Variants in ECE1 observed in about 807,000 individuals in gnomAD.
ECE1 encodes the protein endothelin converting enzyme 1, also known as endothelin-converting enzyme 1.
A neutral mutation model predicts 98.6 loss-of-function variants in ECE1; 35 were observed. The observed-to-expected ratio is 0.35, with a 90% CI of 0.27 to 0.47. The LOEUF (loss-of-function observed/expected upper bound fraction) is 0.47, where lower values mean the gene tolerates loss of function less well. ECE1 is among the 20% of genes least tolerant of loss of function. The probability of loss-of-function intolerance (pLI) is 1.00; values close to 1 mark genes in which losing one functional copy is unlikely to be tolerated. For synonymous variants in ECE1, 394 were observed against 407.1 expected (o/e 0.97, Z 0.39); for missense variants, 814 against 1,025.3 (o/e 0.79, Z 2.81).
At chr1:21,279,076 C>T (rs577180639) in intron 3 of ECE1, 115 bp downstream of exon 3, 2 of 1,578,718 alleles carry the variant, frequency 1.3e-6, no homozygotes, top group Non-Finnish European at 1.7e-6. Flanking sequence ...GGCCTGGCTC[C>T]CTCCTTAGCC....
chr1:21,217,764 C>G lies in ECE1; in HGVS notation c.*2191G>C, dbSNP rs542210812. On this transcript the variant is annotated 3_prime_UTR_variant, in exon 19 of 19. Transcript: ENST00000374893. Reference sequence around the variant, plus strand: ...TCTGCTTCAGCTACTTCTCGGGTTCCTGTCTCCTCTGCAGAGCTACCAGGA... The same window carrying G: ...TCTGCTTCAGCTACTTCTCGGGTTCGTGTCTCCTCTGCAGAGCTACCAGGA... 4 of 152,456 alleles carry G rather than the reference C, an allele frequency of 2.6e-5. No individual in the cohort carries two copies. Among genetic ancestry groups the G allele is most frequent in the Non-Finnish European group, 5.9e-5 (4 of 68,198 alleles). The allele number at this position is 152,456 out of a possible 1,614,324, so 9.4% of individuals were successfully genotyped here. A position where few individuals can be genotyped will look rare whatever the true frequency, so the allele number is the denominator to read the frequency against.
chr1:21,309,943 C>T (rs527527286), intron 1 of ECE1, among the ~76,000 whole-genome samples: 241 of 152,304 alleles, frequency 1.6e-3, no homozygotes, highest in African/African-American at 5.5e-3. Flanking sequence ...AGGCGCCCGC[C>T]ACCACACCCG....
At chr1:21,241,428 T>TTG (rs2098196148) in intron 10 of ECE1, among the ~76,000 whole-genome samples, 1 of 150,984 alleles carries the variant, frequency 6.6e-6, no homozygotes, top group African/African-American at 2.4e-5. Flanking sequence ...GAGGTGTTTT[T>TTG]TTTTTTTTTT....
At chr1:21,330,070 C>T (rs1406457257) in intron 1 of ECE1, among the ~76,000 whole-genome samples, 1 of 151,388 alleles carries the variant, frequency 6.6e-6, no homozygotes, top group East Asian at 1.9e-4. Context: ...CCAACTCAAA[C>T]ATCACCTCCC....
At chr1:21,246,291 G>A (rs1269647072) in intron 9 of ECE1, among the ~76,000 whole-genome samples, 1 of 152,084 alleles carries the variant, frequency 6.6e-6, no homozygotes, top group Non-Finnish European at 1.5e-5. Context: ...ACTGAGGTCA[G>A]GAGTTGGGGA....
chr1:21,259,675 G>A (rs1418800674), intron 5 of ECE1, among the ~76,000 whole-genome samples: 1 of 152,168 alleles, frequency 6.6e-6, no homozygotes, highest in Non-Finnish European at 1.5e-5. Flanking sequence ...AAGAGGCAGG[G>A]CTGTCCAGGG....
chr1:21,250,709 C>T (rs17359650), intron 8 of ECE1, among the ~76,000 whole-genome samples: 7,949 of 152,264 alleles, frequency 0.052, 283 homozygotes, highest in Non-Finnish European at 0.079. Context: ...CATAAACCCC[C>T]GCTTAACAGA....
intron 14 of ECE1, among the ~76,000 whole-genome samples, chr1:21,232,634 C>A (rs1337141322): frequency 6.6e-6 from 1 of 151,318 alleles, no homozygotes; most frequent in Non-Finnish European, 1.5e-5. Context: ...AAGACCAGGT[C>A]TCATTCTAGG....
At chr1:21,256,565 A>C (rs1558391699) in intron 7 of ECE1, 1 of 152,004 alleles carries the variant, frequency 6.6e-6, no homozygotes, top group Admixed American at 6.6e-5. Flanking sequence ...CTCAAAAAAA[A>C]AAGAAGAAGA....
chr1:21,258,774 G>C lies in ECE1; in HGVS notation c.681C>G (p.Val227=). The C allele has an allele frequency of 6.2e-7, 1 of 1,614,232 alleles. No homozygotes were observed. The change falls in exon 6 of 19, where the codon GTC becomes GTG. Residue 227 remains valine (V), a synonymous_variant. Transcript: ENST00000374893. This position sits in a 1 kb window ranked among gnomAD's most constrained non-coding sequence, Gnocchi z 4.2. The part of the protein sequence containing the change: ...KDNFQDTLQV[V]TAHYRTSPFF... ...AGGGTGAGGTGCGGTAGTGGGCGGT[G>C]ACCACCTGCAGGGTGTCCTGGAAGT...
intron 14 of ECE1, among the ~76,000 whole-genome samples, chr1:21,228,411 T>C (rs1300564569): frequency 1.3e-5 from 2 of 152,128 alleles, no homozygotes; most frequent in East Asian, 3.9e-4. Context: ...TGACTGTCTA[T>C]AAATAAGGAA....
At chr1:21,273,125 A>G (rs1231648971) in intron 3 of ECE1, among the ~76,000 whole-genome samples, 4 of 152,266 alleles carry the variant, frequency 2.6e-5, no homozygotes, top group Non-Finnish European at 5.9e-5. Context: ...TCCTGTGGCT[A>G]AAAGGTACCC....
At chr1:21,333,805 A>C (rs1639254898) in intron 1 of ECE1, among the ~76,000 whole-genome samples, 1 of 152,096 alleles carries the variant, frequency 6.6e-6, no homozygotes. Flanking sequence ...CTGCACTCCA[A>C]TCTGGGCAAC....
intron 3 of ECE1, among the ~76,000 whole-genome samples, chr1:21,277,268 C>G (rs2103333738): frequency 6.6e-6 from 1 of 152,308 alleles, no homozygotes; most frequent in East Asian, 1.9e-4. Context: ...CCCAAGGGGC[C>G]CCACTGGGCA....
At chr1:21,285,870 T>C (rs2098259980) in intron 2 of ECE1, among the ~76,000 whole-genome samples, 1 of 151,472 alleles carries the variant, frequency 6.6e-6, no homozygotes, top group African/African-American at 2.4e-5. Flanking sequence ...CGCACGCCTG[T>C]AATCCCAGCT....
chr1:21,305,678 G>A (rs556923345), intron 1 of ECE1, among the ~76,000 whole-genome samples: 8 of 152,272 alleles, frequency 5.3e-5, no homozygotes, highest in South Asian at 2.1e-4. Flanking sequence ...TCGTGAGAGT[G>A]GCCTCTGGAA....
In ECE1 at chr1:21,260,136, C is replaced by A; in HGVS notation, c.615+135G>T. 7.3e-7 allele frequency: 1 copy of A among 1,363,118 alleles called. No individual in the cohort carries two copies. The highest frequency in any genetic ancestry group is 1.0e-6 in the Non-Finnish European group (1 of 960,990). 84.4% of individuals were successfully genotyped at this position (1,363,118 alleles called of 1,614,324 possible). A position where few individuals can be genotyped will look rare whatever the true frequency, so the allele number is the denominator to read the frequency against. On this transcript the variant is annotated intron_variant, in intron 5 of 18. Transcript: ENST00000374893. The surrounding 1 kb of genome is among the most constrained non-coding windows in gnomAD (Gnocchi z 4.3). ...GTGCTCTCGCACACTCGCTCTCTCT[C>A]TTTCTGTCTTTCTCTTGGTGCTACC...
chr1:21,256,682 C>A, intron 7 of ECE1: 1 of 153,144 alleles, frequency 6.5e-6, no homozygotes, highest in Non-Finnish European at 1.5e-5. Context: ...TCTCACAGGT[C>A]CCCACCTGGG....
intron 1 of ECE1, among the ~76,000 whole-genome samples, chr1:21,329,985 C>T (rs958635687): frequency 6.6e-6 from 1 of 152,098 alleles, no homozygotes; most frequent in Admixed American, 6.5e-5. Flanking sequence ...TGGAGCCAGA[C>T]TGTTCAGGTT....
Sources: gnomAD v4.1 joint callset for allele counts (sites outside exome capture counted in the v4.1 genomes callset) on GRCh38, gnomAD v4.1.1 for gene constraint, Gnocchi (gnomAD v3.1) non-coding constraint, MANE v1.5 for transcripts, NCBI Gene and HGNC (gene_info 2026-07-23, HGNC 2026-07-21) for gene names.